The following GRIK2 variants were observed in gnomAD, a reference collection of about 807,000 sequenced individuals.
GRIK2 encodes the protein glutamate ionotropic receptor kainate type subunit 2.
Under a neutral mutation model 100.3 loss-of-function variants are expected in GRIK2, and 32 were observed. That is an observed-to-expected ratio of 0.32 (90% CI 0.24 to 0.43). The LOEUF (loss-of-function observed/expected upper bound fraction) is 0.43. GRIK2 is among the 20% of genes least tolerant of loss of function. GRIK2 has a pLI of 1.00. For synonymous variants in GRIK2, 417 were observed against 389.4 expected (o/e 1.07, Z -0.83); for missense variants, 843 against 1,114.9 (o/e 0.76, Z 3.47).
At chr6:101,638,876 A>G (rs2128323519) in intron 4 of GRIK2, among the ~76,000 whole-genome samples, 1 of 152,106 alleles carries the variant, frequency 6.6e-6, no homozygotes, top group South Asian at 2.1e-4. Context: ...AACCCCAGCT[A>G]CTCAGGAGGC....
chr6:101,531,534 TCTC>T (rs1322219337), intron 2 of GRIK2, among the ~76,000 whole-genome samples: 2 of 151,778 alleles, frequency 1.3e-5, no homozygotes, highest in Admixed American at 6.6e-5. Context: ...AGAACCTCCT[TCTC>T]CTGCTTGAGA....
chr6:101,908,387 T>C (rs1029159218), intron 12 of GRIK2, among the ~76,000 whole-genome samples: 3 of 151,700 alleles, frequency 2.0e-5, no homozygotes, highest in Non-Finnish European at 4.4e-5. Context: ...TTATCCTTCA[T>C]GCAGCTTAGA....
intron 7 of GRIK2, among the ~76,000 whole-genome samples, chr6:101,687,347 A>G (rs1008545672): frequency 3.3e-5 from 5 of 151,988 alleles, no homozygotes; most frequent in Admixed American, 2.0e-4. Context: ...TTAAGGAAAT[A>G]GCTTAGCAGT....
chr6:102,052,310 T>C (rs1413378930), intron 15 of GRIK2, among the ~76,000 whole-genome samples: 2 of 152,230 alleles, frequency 1.3e-5, no homozygotes, highest in South Asian at 4.1e-4. Context: ...GCATTGATTA[T>C]ATTCCTTATA....
intron 2 of GRIK2, among the ~76,000 whole-genome samples, chr6:101,415,659 C>G (rs1582398935): frequency 6.6e-6 from 1 of 151,816 alleles, no homozygotes; most frequent in African/African-American, 2.4e-5. Flanking sequence ...CTTGAGCCAC[C>G]GCGCCCGGCC....
chr6:101,593,479 A>G (rs1778774125), intron 2 of GRIK2, among the ~76,000 whole-genome samples: 1 of 151,920 alleles, frequency 6.6e-6, no homozygotes, highest in South Asian at 2.1e-4. Context: ...GCTAGGCAGG[A>G]CAGGAATTTC....
intron 14 of GRIK2, among the ~76,000 whole-genome samples, chr6:102,034,770 T>C (rs1453724062): frequency 6.6e-6 from 1 of 151,400 alleles, no homozygotes; most frequent in Admixed American, 6.6e-5. Context: ...AGTGGAAATG[T>C]AGACATCTTT....
intron 7 of GRIK2, among the ~76,000 whole-genome samples, chr6:101,751,715 AT>A (rs1175283000): frequency 6.6e-6 from 1 of 152,182 alleles, no homozygotes; most frequent in Non-Finnish European, 1.5e-5. Context: ...CCCCATGATA[AT>A]CTTCAACATG....
chr6:101,860,948 T>A, intron 11 of GRIK2: 1 of 916,450 alleles, frequency 1.1e-6, no homozygotes. Context: ...AAAAAAGACC[T>A]TTTCCCTGAA....
At chr6:101,971,571 CTTTTA>C (rs1048711892) in intron 14 of GRIK2, among the ~76,000 whole-genome samples, 5 of 151,922 alleles carry the variant, frequency 3.3e-5, no homozygotes, top group Admixed American at 1.3e-4. Context: ...ATAATTGCAA[CTTTTA>C]TTTTAGATAC....
intron 2 of GRIK2, among the ~76,000 whole-genome samples, chr6:101,615,406 A>C (rs780658694): frequency 1.3e-5 from 2 of 151,778 alleles, no homozygotes; most frequent in Non-Finnish European, 2.9e-5. Context: ...AAGGAATTAG[A>C]TGATAACTAC....
At chr6:101,444,841 C>A (rs973937328) in intron 2 of GRIK2, among the ~76,000 whole-genome samples, 5 of 151,994 alleles carry the variant, frequency 3.3e-5, no homozygotes, top group Non-Finnish European at 7.4e-5. Flanking sequence ...TCAGCATATA[C>A]CTCTGTTTTC....
At chr6:101,503,757 C>A (rs1482472737) in intron 2 of GRIK2, among the ~76,000 whole-genome samples, 1 of 151,988 alleles carries the variant, frequency 6.6e-6, no homozygotes, top group Non-Finnish European at 1.5e-5. Context: ...AACACTTTTC[C>A]CTGTTTCTTA....
At chr6:101,958,024 T>G (rs973126316) in intron 14 of GRIK2, among the ~76,000 whole-genome samples, 5 of 152,098 alleles carry the variant, frequency 3.3e-5, no homozygotes, top group African/African-American at 1.2e-4. Context: ...TTTGGTTTCA[T>G]ATTAATACTA....
chr6:101,726,725 A>G (rs950041796), intron 7 of GRIK2, among the ~76,000 whole-genome samples: 1 of 152,064 alleles, frequency 6.6e-6, no homozygotes, highest in Non-Finnish European at 1.5e-5. Flanking sequence ...TATATGCACA[A>G]CTATCTTCTG....
chr6:101,798,482 A>G (rs1359285676), intron 7 of GRIK2, among the ~76,000 whole-genome samples: 1 of 152,054 alleles, frequency 6.6e-6, no homozygotes, highest in Non-Finnish European at 1.5e-5. Context: ...GAACTATAAA[A>G]TAATATTATT....
chr6:101,826,285 G>C lies in GRIK2; in HGVS notation c.1317+7802G>C, dbSNP rs55828024. Among the ~76,000 whole-genome samples, 567 of 152,096 alleles carry C rather than the reference G, an allele frequency of 3.7e-3. 7 individuals carry two copies. Among genetic ancestry groups the C allele is most frequent in the South Asian group, 0.021 (102 of 4,818 alleles). ...TGCTTTGAGAGGCACTGTACTTATA[G>C]GAAAGAGGAAAGAGATGGCAACATT... On this transcript the variant is annotated intron_variant, in intron 10 of 16. Coordinates refer to ENST00000369134, the MANE Select transcript of GRIK2 (RefSeq NM_021956.5).
At chr6:101,946,198 G>A (rs1213475045) in intron 14 of GRIK2, among the ~76,000 whole-genome samples, 2 of 151,980 alleles carry the variant, frequency 1.3e-5, no homozygotes, top group African/African-American at 4.8e-5. Context: ...ATGGAAATAA[G>A]ACAATAATTA....
chr6:102,003,785 T>C (rs906813964), intron 14 of GRIK2, among the ~76,000 whole-genome samples: 1 of 151,750 alleles, frequency 6.6e-6, no homozygotes, highest in African/African-American at 2.4e-5. Context: ...TATCTAATAA[T>C]TGTTCCTTTT....
Sources: gnomAD v4.1 joint callset for allele counts (sites outside exome capture counted in the v4.1 genomes callset) on GRCh38, gnomAD v4.1.1 for gene constraint, MANE v1.5 for transcripts, NCBI Gene and HGNC (gene_info 2026-07-23, HGNC 2026-07-21) for gene names.